Variants in PDPK1 observed in about 807,000 individuals in gnomAD.
PDPK1 encodes 3-phosphoinositide-dependent protein kinase 1.
PDPK1 carries 7 observed loss-of-function variants against 39.8 expected under a neutral mutation model. That is an observed-to-expected ratio of 0.18 (90% CI 0.10 to 0.33). The LOEUF (loss-of-function observed/expected upper bound fraction) is 0.33. PDPK1 is among the 10% of genes least tolerant of loss of function. The pLI is 1.00. For missense variants in PDPK1, 182 were observed against 384.7 expected (o/e 0.47, Z 4.41); for synonymous variants, 118 against 159.1 (o/e 0.74, Z 1.95).
intron 1 of PDPK1, chr16:2,557,371 C>T (rs568299709): frequency 2.8e-6 from 1 of 356,578 alleles, no homozygotes; most frequent in Non-Finnish European, 5.3e-6. Context: ...GATCATCACT[C>T]TTATCTCTCC....
At chr16:2,585,066 T>G (rs892257330) in intron 10 of PDPK1, among the ~76,000 whole-genome samples, 1 of 152,212 alleles carries the variant, frequency 6.6e-6, no homozygotes, top group Non-Finnish European at 1.5e-5. Context: ...GGGAGGTAGC[T>G]GGGCTCTGAA....
chr16:2,538,428 C>T (rs1041722653), intron 1 of PDPK1: 1 of 410,102 alleles, frequency 2.4e-6, no homozygotes, highest in Non-Finnish European at 4.9e-6. Flanking sequence ...GGTGGAAGTG[C>T]CTGGAAAGTT....
chr16:2,589,245 C>T (rs1033399681), intron 11 of PDPK1, among the ~76,000 whole-genome samples: 6 of 152,110 alleles, frequency 3.9e-5, no homozygotes, highest in Admixed American at 1.3e-4. Flanking sequence ...TGTGAGCCAC[C>T]GCGCCAGCCA....
chr16:2,541,682 G>A (rs1331526365), intron 1 of PDPK1, among the ~76,000 whole-genome samples: 1 of 152,204 alleles, frequency 6.6e-6, no homozygotes, highest in Non-Finnish European at 1.5e-5. Flanking sequence ...GGTTCAAAGG[G>A]CAGTGTGCTG....
chr16:2,553,108 C>CA (rs2066446619), intron 1 of PDPK1, among the ~76,000 whole-genome samples: 2 of 144,758 alleles, frequency 1.4e-5, no homozygotes. Context: ...ATGGTGACCC[C>CA]ACACCTGTGA....
In PDPK1 at chr16:2,597,097, C is replaced by G. The variant is rs758054132; in HGVS notation, c.1402-26C>G. ...ATGCCGTCAGCACTGGCCTCTGAGG[C>G]CTGTTGTTTTGTGTTTTGGCGTCAG... On this transcript the variant is annotated intron_variant, in intron 12 of 13. Coordinates refer to ENST00000342085, the MANE Select transcript of PDPK1 (RefSeq NM_002613.5). The surrounding 1 kb of genome is among the most constrained non-coding windows in gnomAD (Gnocchi z 6.3). 1.3e-6 allele frequency: 2 copies of G among 1,534,790 alleles called. No individual in the cohort carries two copies. The highest frequency in any genetic ancestry group is 1.8e-6 in the Non-Finnish European group (2 of 1,133,412).
chr16:2,589,416 G>T (rs563354836), intron 11 of PDPK1, among the ~76,000 whole-genome samples: 1 of 152,178 alleles, frequency 6.6e-6, no homozygotes, highest in East Asian at 1.9e-4. Flanking sequence ...GGTAAGTTAA[G>T]TTCAGGATCA....
intron 1 of PDPK1, among the ~76,000 whole-genome samples, chr16:2,552,276 TTCTACTTCTAAGAGA>T (rs1180611722): frequency 1.3e-5 from 2 of 150,210 alleles, no homozygotes; most frequent in African/African-American, 2.5e-5. Context: ...CCTGCCTGGT[TTCTACTTCTAAGAGA>T]TGGAGACTGC....
intron 1 of PDPK1, among the ~76,000 whole-genome samples, chr16:2,553,853 T>G (rs1812046627): frequency 7.0e-6 from 1 of 142,296 alleles, no homozygotes; most frequent in Admixed American, 7.0e-5. Context: ...TCCCTGAGGC[T>G]GTGCTGCCTC....
rs139732994 is a variant in PDPK1 at position 2,586,758 on chromosome 16, G to A, written c.1208G>A (p.Gly403Asp). The stretch of plus-strand genomic sequence containing the variant: ...CACTCCCTGTCAGCCTCCGACACGG[G>A]CCTGCCCCAGAGGTCAGGCAGCAAC... ...SSHSLSASDT[G>D]LPQRSGSNIE... Residue 403 changes from glycine to aspartate, a missense_variant, in exon 11 of 14, where the codon GGC becomes GAC. Coordinates refer to ENST00000342085, the MANE Select transcript of PDPK1 (RefSeq NM_002613.5). 1.7e-5 allele frequency: 27 copies of A among 1,614,120 alleles called. No homozygotes were observed. Among genetic ancestry groups the A allele is most frequent in the Admixed American group, 3.3e-5 (2 of 60,010 alleles).
intron 1 of PDPK1, among the ~76,000 whole-genome samples, chr16:2,543,996 A>T (rs983113306): frequency 6.6e-6 from 1 of 151,722 alleles, no homozygotes; most frequent in African/African-American, 2.4e-5. Flanking sequence ...CGGCCCCCCA[A>T]AGTGGTGGGA....
chr16:2,595,013 T>C (rs572871579), intron 11 of PDPK1, among the ~76,000 whole-genome samples: 2 of 152,152 alleles, frequency 1.3e-5, no homozygotes, highest in South Asian at 4.2e-4. Flanking sequence ...GTCCCAGCTA[T>C]TCGGGAGGCT....
At chr16:2,546,117 T>G (rs1254756452) in intron 1 of PDPK1, among the ~76,000 whole-genome samples, 1 of 152,124 alleles carries the variant, frequency 6.6e-6, no homozygotes, top group Admixed American at 6.5e-5. Context: ...GGAGTCTCAC[T>G]CTGTCACCCA....
At chr16:2,588,572 G>C (rs1243786527) in intron 11 of PDPK1, among the ~76,000 whole-genome samples, 1 of 152,182 alleles carries the variant, frequency 6.6e-6, no homozygotes, top group Non-Finnish European at 1.5e-5. Context: ...GTCCGTCTGG[G>C]TACCTTAGCC....
intron 1 of PDPK1, among the ~76,000 whole-genome samples, chr16:2,540,879 T>C (rs2066232639): frequency 2.0e-5 from 3 of 152,236 alleles, no homozygotes; most frequent in Admixed American, 2.0e-4. Context: ...CTGCCCTCCC[T>C]AGGGTGGTTC....
chr16:2,545,723 A>G (rs1294743332), intron 1 of PDPK1, among the ~76,000 whole-genome samples: 1 of 152,030 alleles, frequency 6.6e-6, no homozygotes, highest in Non-Finnish European at 1.5e-5. Flanking sequence ...GCGAACTCCT[A>G]ATGTCATGAT....
chr16:2,538,146 C>T lies in PDPK1; in HGVS notation c.24+10C>T. ...GACCACCAGCCAGCTGGTGAGCGCGCGGCGGCGGACTGGACGCGCCGGTTT... is the reference window on the plus strand; with the variant it reads ...GACCACCAGCCAGCTGGTGAGCGCGTGGCGGCGGACTGGACGCGCCGGTTT... On this transcript the variant is annotated intron_variant, in intron 1 of 13. Transcript: ENST00000342085. 9.4e-7 allele frequency: 1 copy of T among 1,058,202 alleles called. No homozygotes were observed. 65.6% of individuals were successfully genotyped at this position (1,058,202 alleles called of 1,614,324 possible).
intron 1 of PDPK1, among the ~76,000 whole-genome samples, chr16:2,546,161 G>C (rs1567145588): frequency 6.6e-6 from 1 of 151,828 alleles, no homozygotes; most frequent in Non-Finnish European, 1.5e-5. Flanking sequence ...TCGGCTCACT[G>C]CAACCTCTGC....
intron 1 of PDPK1, among the ~76,000 whole-genome samples, chr16:2,551,830 C>G (rs1021276326): frequency 6.6e-6 from 1 of 151,486 alleles, no homozygotes; most frequent in Non-Finnish European, 1.5e-5. Flanking sequence ...CCACACCCAG[C>G]TAATGTTTGT....
Sources: allele counts gnomAD v4.1 joint callset (sites outside exome capture counted in the v4.1 genomes callset), GRCh38; gene constraint gnomAD v4.1.1; non-coding constraint Gnocchi (gnomAD v3.1); transcripts MANE v1.5; gene names NCBI Gene and HGNC (gene_info 2026-07-23, HGNC 2026-07-21).